MTMR3: variants seen among roughly 807,000 people sequenced by gnomAD.
The protein encoded by MTMR3 is myotubularin related protein 3, also known as phosphatidylinositol-3,5-bisphosphate 3-phosphatase MTMR3.
A neutral mutation model predicts 132.4 loss-of-function variants in MTMR3; 32 were observed. The ratio of observed to expected loss-of-function variants is 0.24; its 90% CI spans 0.18 to 0.32. The LOEUF (loss-of-function observed/expected upper bound fraction) is 0.32. Ranked by LOEUF, MTMR3 falls within the 10% of genes least tolerant of loss-of-function variation. The pLI, the probability that MTMR3 is intolerant of heterozygous loss-of-function variation, is 1.00. For missense variants in MTMR3, 1,216 were observed against 1,489.6 expected (o/e 0.82, Z 3.02); for synonymous variants, 556 against 550.3 (o/e 1.01, Z -0.14).
chr22:30,016,350 G>T (rs2067591263), intron 14 of MTMR3, 178 bp from the exon 15 acceptor site: 2 of 612,322 alleles, frequency 3.3e-6, no homozygotes, highest in African/African-American at 3.7e-5. Context: ...AGGTTGTTGG[G>T]TCCTGGAATT....
intron 1 of MTMR3, among the ~76,000 whole-genome samples, chr22:29,928,912 G>A (rs2065582931): frequency 1.3e-5 from 2 of 152,222 alleles, no homozygotes; most frequent in South Asian, 4.1e-4. Flanking sequence ...ATACGTAGTA[G>A]TAGTCGTAGT....
chr22:29,939,027 G>T (rs1381768569), intron 1 of MTMR3, among the ~76,000 whole-genome samples: 2 of 151,752 alleles, frequency 1.3e-5, no homozygotes, highest in African/African-American at 2.4e-5. Context: ...TCACCATATT[G>T]GCCAGGCTGG....
chr22:29,929,690 T>A (rs1032020762), intron 1 of MTMR3, among the ~76,000 whole-genome samples: 1 of 152,070 alleles, frequency 6.6e-6, no homozygotes, highest in Non-Finnish European at 1.5e-5. Flanking sequence ...TTTTTTGTAT[T>A]TTTAGCAGAG....
At chr22:29,914,647 CCTAT>C (rs1187882031) in intron 1 of MTMR3, among the ~76,000 whole-genome samples, 3 of 151,780 alleles carry the variant, frequency 2.0e-5, no homozygotes, top group African/African-American at 7.3e-5. Flanking sequence ...TTTTTAAAAG[CCTAT>C]CTAAGGAATT....
intron 15 of MTMR3, 76 bp downstream of exon 15, chr22:30,016,774 G>C (rs1193196010): frequency 6.8e-7 from 1 of 1,468,446 alleles, no homozygotes; most frequent in Non-Finnish European, 9.2e-7. Flanking sequence ...GCCTTTTTGA[G>C]TAGTGACTGT....
intron 2 of MTMR3, among the ~76,000 whole-genome samples, chr22:29,969,357 C>G (rs73883348): frequency 6.6e-6 from 1 of 152,178 alleles, no homozygotes; most frequent in African/African-American, 2.4e-5. Flanking sequence ...GCAGTATTTT[C>G]AAAGTATATC....
chr22:30,020,449 T>C lies in MTMR3; in HGVS notation c.2790T>C (p.Gly930=). ...GTAAAGAGGGGCTTGTGTGCAATGG[T>C]GCCCCAGAGACTGAAAACAGGGCCT... The part of the protein sequence containing the change: ...AECKEGLVCN[G]APETENRASE... The change falls in exon 17 of 20, where the codon GGT becomes GGC. Residue 930 remains glycine, a synonymous_variant. Transcript: ENST00000401950. 6.2e-7 allele frequency: 1 copy of C among 1,614,128 alleles called. No individual in the cohort carries two copies. The highest frequency in any genetic ancestry group is 8.5e-7 in the Non-Finnish European group (1 of 1,180,018).
intron 1 of MTMR3, among the ~76,000 whole-genome samples, chr22:29,934,442 A>G (rs959404051): frequency 6.6e-6 from 1 of 152,198 alleles, no homozygotes; most frequent in African/African-American, 2.4e-5. Flanking sequence ...TTACTTGAAG[A>G]AGGTGGTATC....
intron 1 of MTMR3, among the ~76,000 whole-genome samples, chr22:29,949,146 C>CCA (rs2066019822): frequency 4.8e-5 from 1 of 20,936 alleles, no homozygotes; most frequent in African/African-American, 1.6e-4. Flanking sequence ...CACACACACC[C>CCA]CCCCCCCCCC....
In MTMR3 at chr22:30,012,347, A is replaced by C. The variant is rs769959512; in HGVS notation, c.1122-21A>C. The C allele has an allele frequency of 5.0e-6, 8 of 1,602,366 alleles. No individual in the cohort carries two copies. The African/African-American group carries it at 8.1e-5, about 16-fold the overall frequency. On this transcript the variant is annotated intron_variant, in intron 12 of 19. Coordinates refer to ENST00000401950, the MANE Select transcript of MTMR3 (RefSeq NM_021090.4). The stretch of plus-strand genomic sequence containing the variant: ...AATCATAAAAAAATCAGCATTTTCT[A>C]ATCCTCTCCTGTTTTTATAGTTGGC...
chr22:30,019,970 G>A lies in MTMR3; in HGVS notation c.2311G>A (p.Gly771Arg), dbSNP rs199564678. ...ACAGGGCATTTCTGAACAGCAGAGT[G>A]GGCTCAGTGTTCTCCTCAGTTCTCT... Reference protein sequence around the residue: ...FSQGISEQQSGLSVLLSSLQV... With the variant: ...FSQGISEQQSRLSVLLSSLQV... The change falls in exon 17 of 20, where the codon GGG becomes AGG. Residue 771 changes from glycine (G) to arginine (R), a missense_variant. Around this residue, in one of 7 missense-constraint regions of MTMR3, gnomAD observed 852 missense variants for 852.0 expected, o/e 1.00. Transcript: ENST00000401950. 19 of 1,614,202 alleles carry A rather than the reference G, an allele frequency of 1.2e-5. No homozygotes were observed. Among genetic ancestry groups the A allele is most frequent in the Middle Eastern group, 3.3e-4 (2 of 6,062 alleles).
At chr22:30,007,383 G>C (rs753751112) in intron 10 of MTMR3, 64 bp downstream of exon 10, 1 of 1,472,278 alleles carries the variant, frequency 6.8e-7, no homozygotes, top group Non-Finnish European at 9.4e-7. Context: ...TTCTTGAAAT[G>C]GCCTCTTCCT....
intron 7 of MTMR3, chr22:29,992,255 T>C (rs981327222): frequency 1.3e-5 from 2 of 152,388 alleles, no homozygotes; most frequent in Non-Finnish European, 2.9e-5. Flanking sequence ...TAATTTTTTA[T>C]TTTTAGTAGA....
In MTMR3 at chr22:30,030,609, GGA is replaced by G. The variant is rs1330376958; in HGVS notation, c.*4814_*4815del. 2 of 136,676 alleles carry G rather than the reference GGA, an allele frequency of 1.5e-5. No homozygotes were observed. Among genetic ancestry groups the G allele is most frequent in the Non-Finnish European group, 3.1e-5 (2 of 64,276 alleles). The allele number at this position is 136,676 out of a possible 1,614,324, so 8.5% of individuals were successfully genotyped here. A position where few individuals can be genotyped will look rare whatever the true frequency, so the allele number is the denominator to read the frequency against. ...GGGTATGAATCAGCTCAGCCTCTTA[GGA>G]GAGAGGGGCTCTCAGCGAGGAGGGG... On this transcript the variant is annotated 3_prime_UTR_variant, in exon 20 of 20. Transcript: ENST00000401950.
intron 1 of MTMR3, among the ~76,000 whole-genome samples, chr22:29,954,812 G>A (rs568935500): frequency 2.6e-5 from 4 of 152,276 alleles, no homozygotes; most frequent in Admixed American, 6.5e-5. Context: ...CCTGTTGGAC[G>A]TACATCTACT....
intron 1 of MTMR3, among the ~76,000 whole-genome samples, chr22:29,921,268 T>A (rs979787425): frequency 6.6e-5 from 10 of 151,926 alleles, no homozygotes; most frequent in African/African-American, 2.2e-4. Context: ...GAGGAGAAGG[T>A]GCTAGGCTCT....
intron 5 of MTMR3, chr22:29,979,753 A>C (rs1409855033): frequency 6.6e-6 from 1 of 152,456 alleles, no homozygotes; most frequent in Non-Finnish European, 1.5e-5. Context: ...GATGAGATGC[A>C]CTTTGAGCTC....
intron 5 of MTMR3, chr22:29,987,278 GA>G (rs2066878032): frequency 6.6e-6 from 1 of 152,216 alleles, no homozygotes; most frequent in Non-Finnish European, 1.5e-5. Context: ...GTTCTGTGCT[GA>G]CTGGCAGCTC....
intron 16 of MTMR3, 131 bp downstream of exon 16, chr22:30,018,203 T>C (rs1157138023): frequency 9.4e-7 from 1 of 1,059,692 alleles, no homozygotes; most frequent in East Asian, 3.1e-5. Context: ...CTCTGCAGTT[T>C]TTTCAGGGAA....
Sources: allele counts gnomAD v4.1 joint callset (sites outside exome capture counted in the v4.1 genomes callset), GRCh38; gene constraint gnomAD v4.1.1; regional missense constraint gnomAD v4.1.1; transcripts MANE v1.5; gene names NCBI Gene and HGNC (gene_info 2026-07-23, HGNC 2026-07-21).